FBXL5: variants seen among roughly 807,000 people sequenced by gnomAD.
FBXL5 encodes F-box and leucine rich repeat protein 5.
FBXL5 carries 26 observed loss-of-function variants against 78.3 expected under a neutral mutation model. The observed-to-expected ratio is 0.33, with a 90% CI of 0.24 to 0.46. The LOEUF (loss-of-function observed/expected upper bound fraction) is 0.46, where lower values mean the gene tolerates loss of function less well. Among genes scored for constraint, FBXL5 ranks in the 20% least tolerant of loss-of-function variants. The probability of loss-of-function intolerance (pLI) is 1.00; values close to 1 mark genes in which losing one functional copy is unlikely to be tolerated. For synonymous variants in FBXL5, 295 were observed against 282.5 expected (o/e 1.04, Z -0.45); for missense variants, 710 against 829.2 (o/e 0.86, Z 1.77).
In FBXL5 at chr4:15,638,576, C is replaced by T; in HGVS notation, c.515G>A (p.Ser172Asn). Residue 172 changes from serine to asparagine, a missense_variant, in exon 4 of 11, where the codon AGC (serine) becomes AAC (asparagine). By Grantham distance (46) the Ser-to-Asn change is conservative. This residue lies in a region of FBXL5 where 517 missense variants were observed against 542.9 expected (regional missense o/e 0.95). Transcript: ENST00000341285. ...KDTAELLRGL[S>N]LWNHAEERQK... ...TCGCTCTTCAGCATGATTCCATAGG[C>T]TAAGACCTCTAAGGAGTTCTGCAGT... is the stretch of plus-strand genomic sequence containing the variant. 1 of 1,611,944 alleles carries T rather than the reference C, an allele frequency of 6.2e-7. No homozygotes were observed. The highest frequency in any genetic ancestry group is 8.5e-7 in the Non-Finnish European group (1 of 1,179,392).
chr4:15,637,065 A>G (rs927842978), intron 4 of FBXL5, among the ~76,000 whole-genome samples: 5 of 152,218 alleles, frequency 3.3e-5, no homozygotes, highest in Non-Finnish European at 5.9e-5. Context: ...TGAGATCTCC[A>G]AGGCATTTTT....
intron 1 of FBXL5, among the ~76,000 whole-genome samples, chr4:15,671,713 G>A (rs1717777549): frequency 6.6e-6 from 1 of 152,096 alleles, no homozygotes; most frequent in African/African-American, 2.4e-5. Context: ...TTACACACTA[G>A]GGTGCTTAAA....
chr4:15,679,654 C>A (rs1290342132), intron 1 of FBXL5, among the ~76,000 whole-genome samples: 1 of 151,344 alleles, frequency 6.6e-6, no homozygotes, highest in Non-Finnish European at 1.5e-5. Flanking sequence ...TATCACACAA[C>A]AAGTTATTTT....
rs1335505574 is a variant in FBXL5, at chr4:15,605,064, T to C, written c.*659A>G. The C allele has an allele frequency of 6.5e-6, 1 of 152,792 alleles. No homozygotes were observed. The highest frequency in any genetic ancestry group is 1.9e-4 in the East Asian group (1 of 5,192). 9.5% of individuals were successfully genotyped at this position (152,792 alleles called of 1,614,324 possible). ...TATACATTTCTTCAAATGATTGTGGTATTTTAAAAAATCTCTCCCAAATTT... is the reference window on the plus strand; with the variant it reads ...TATACATTTCTTCAAATGATTGTGGCATTTTAAAAAATCTCTCCCAAATTT... On this transcript the variant is annotated 3_prime_UTR_variant, in exon 11 of 11. Coordinates refer to ENST00000341285, the MANE Select transcript of FBXL5 (RefSeq NM_012161.4).
At chr4:15,654,336 G>T (rs1716545461) in intron 1 of FBXL5, among the ~76,000 whole-genome samples, 1 of 152,164 alleles carries the variant, frequency 6.6e-6, no homozygotes, top group African/African-American at 2.4e-5. Flanking sequence ...TGACAAATAC[G>T]TGGAATGTTA....
At chr4:15,663,223 G>A (rs749604593), upstream of FBXL5, among the ~76,000 whole-genome samples, 11 of 152,056 alleles carry the variant, frequency 7.2e-5, no homozygotes, top group Non-Finnish European at 1.6e-4. Flanking sequence ...ATTATACATT[G>A]ATAATAGTCA....
At chr4:15,645,060 G>A (rs563839034) in intron 1 of FBXL5, among the ~76,000 whole-genome samples, 15 of 151,992 alleles carry the variant, frequency 9.9e-5, no homozygotes, top group Non-Finnish European at 1.5e-4. Context: ...ATTTTAAAGA[G>A]GGAAACTTGA....
intron 10 of FBXL5, among the ~76,000 whole-genome samples, chr4:15,610,933 CTT>C (rs1722211872): frequency 1.3e-5 from 2 of 152,068 alleles, no homozygotes; most frequent in Non-Finnish European, 2.9e-5. Context: ...AATAAAATAA[CTT>C]TATGTTAACA....
In FBXL5 at chr4:15,626,962, G is replaced by A. The variant is rs1713124882; in HGVS notation, c.1042-7C>T. On this transcript the variant is annotated splice_polypyrimidine_tract_variant and splice_region_variant and intron_variant, in intron 7 of 10. Transcript: ENST00000341285. ...GCTCTAAAATCTGCCTAACCTAAAA[G>A]GCAAGAAATTGTCACTGTAAAGATC... 5 of 1,600,288 alleles carry A rather than the reference G, an allele frequency of 3.1e-6. No individual in the cohort carries two copies. Among genetic ancestry groups the A allele is most frequent in the Non-Finnish European group, 4.3e-6 (5 of 1,171,162 alleles).
In FBXL5 at chr4:15,668,467, TTTTGTACTTGGTTTTTGTATTGTTC is replaced by T. The variant is rs537033598; in HGVS notation, c.-283-8570_-283-8546del. ...ATTCAAATCACATTCTTTTATTTTT[TTTTGTACTTGGTTTTTGTATTGTTC>T]TTTGTACTTGGTTTTTGTATTGTTC... is the stretch of plus-strand genomic sequence containing the variant. On this transcript the variant is annotated intron_variant, in intron 1 of 4. Coordinates refer to the FBXL5 transcript ENST00000507899. Among the ~76,000 whole-genome samples the T allele has an allele frequency of 3.6e-3, 550 of 152,274 alleles. 7 individuals are homozygous for T. Among genetic ancestry groups the T allele is most frequent in the African/African-American group, 0.013 (528 of 41,548 alleles).
upstream of FBXL5, among the ~76,000 whole-genome samples, chr4:15,658,593 C>T (rs1717137302): frequency 6.6e-6 from 1 of 152,184 alleles, no homozygotes; most frequent in African/African-American, 2.4e-5. Context: ...ATGTCCTGCA[C>T]TGCCTTGGGA....
upstream of FBXL5, among the ~76,000 whole-genome samples, chr4:15,662,460 G>A (rs1560248509): frequency 6.6e-6 from 1 of 152,132 alleles, no homozygotes; most frequent in Non-Finnish European, 1.5e-5. Flanking sequence ...GGCTTTCACA[G>A]TACCTGGCAT....
intron 9 of FBXL5, among the ~76,000 whole-genome samples, chr4:15,614,452 T>C (rs556578253): frequency 6.6e-4 from 101 of 152,232 alleles, no homozygotes; most frequent in Non-Finnish European, 8.1e-4. Context: ...TGCAGTAGTA[T>C]AGGGAGGGTA....
At chr4:15,607,381 AGAAGTTAAATAT>A (rs1721962113) in intron 10 of FBXL5, among the ~76,000 whole-genome samples, 1 of 152,218 alleles carries the variant, frequency 6.6e-6, no homozygotes, top group Non-Finnish European at 1.5e-5. Flanking sequence ...TCTTTAAATG[AGAAGTTAAATAT>A]GTTAAATATT....
At chr4:15,637,857 A>C (rs1034854065) in intron 4 of FBXL5, among the ~76,000 whole-genome samples, 1 of 152,116 alleles carries the variant, frequency 6.6e-6, no homozygotes, top group African/African-American at 2.4e-5. Flanking sequence ...ATCTTGAAGA[A>C]GCAAAGCTAC....
At chr4:15,623,458 C>T (rs1712683249) in intron 9 of FBXL5, among the ~76,000 whole-genome samples, 1 of 151,664 alleles carries the variant, frequency 6.6e-6, no homozygotes, top group Admixed American at 6.6e-5. Flanking sequence ...ACTGAAAATG[C>T]AAACTGAATA....
intron 9 of FBXL5, among the ~76,000 whole-genome samples, chr4:15,624,060 G>A (rs1318230068): frequency 4.0e-5 from 6 of 151,862 alleles, no homozygotes; most frequent in Non-Finnish European, 8.8e-5. Context: ...TCCTGACCTC[G>A]TGATCCACCA....
In FBXL5 at chr4:15,625,728, T is replaced by C. The variant is rs763277263; in HGVS notation, c.1374A>G (p.Glu458=). The stretch of plus-strand genomic sequence containing the variant: ...TAGTCCAGGGGTGTTCATTATCTAT[T>C]TCTTCTCCAATGCCCTTGTTAGTTA... ...HDLTNKGIGE[E]IDNEHPWTKP... The change falls in exon 9 of 11, where the codon GAA becomes GAG. Residue 458 remains glutamate (E), a synonymous_variant. Coordinates refer to ENST00000341285, the MANE Select transcript of FBXL5 (RefSeq NM_012161.4). 1 of 1,614,128 alleles carries C rather than the reference T, an allele frequency of 6.2e-7. No individual in the cohort carries two copies. The highest frequency in any genetic ancestry group is 1.3e-5 in the African/African-American group (1 of 74,958).
intron 1 of FBXL5, among the ~76,000 whole-genome samples, chr4:15,677,179 CAA>C (rs949476177): frequency 3.0e-4 from 45 of 152,094 alleles, no homozygotes; most frequent in African/African-American, 1.0e-3. Context: ...CAAAGGAACA[CAA>C]GAGGCTTAAA....
Sources: gnomAD v4.1 joint callset for allele counts (sites outside exome capture counted in the v4.1 genomes callset) on GRCh38, gnomAD v4.1.1 for gene constraint, gnomAD v4.1.1 regional missense constraint, MANE v1.5 for transcripts, NCBI Gene and HGNC (gene_info 2026-07-23, HGNC 2026-07-21) for gene names.